The following PLA2G4A variants were observed in gnomAD, a reference collection of about 807,000 sequenced individuals.
PLA2G4A encodes cytosolic phospholipase A2.
PLA2G4A carries 40 observed loss-of-function variants against 81.9 expected under a neutral mutation model. The ratio of observed to expected loss-of-function variants is 0.49; its 90% CI spans 0.38 to 0.64. The LOEUF (loss-of-function observed/expected upper bound fraction) is 0.64, where lower values mean the gene tolerates loss of function less well. Among genes scored for constraint, PLA2G4A ranks in the 30% least tolerant of loss-of-function variants. PLA2G4A has a pLI of 0.00. For missense variants in PLA2G4A, 715 were observed against 905.1 expected (o/e 0.79, Z 2.69); for synonymous variants, 302 against 296.9 (o/e 1.02, Z -0.18).
chr1:186,910,050 A>T (rs1043209530), intron 6 of PLA2G4A, among the ~76,000 whole-genome samples: 1 of 152,170 alleles, frequency 6.6e-6, no homozygotes, highest in African/African-American at 2.4e-5. Flanking sequence ...TAATAACAGT[A>T]TCATTTAAAT....
chr1:186,959,432 A>G (rs1656871070), intron 14 of PLA2G4A, among the ~76,000 whole-genome samples: 1 of 152,184 alleles, frequency 6.6e-6, no homozygotes, highest in Non-Finnish European at 1.5e-5. Context: ...TTTTAAATTA[A>G]TGACGTTTGG....
rs147141302 is a variant in PLA2G4A, at chr1:186,860,722, C to T, written c.33+6335C>T. 1.5e-3 allele frequency among the ~76,000 whole-genome samples: 236 copies of T among 152,292 alleles called. 2 individuals are homozygous for T. Among genetic ancestry groups the T allele is most frequent in the African/African-American group, 5.5e-3 (230 of 41,566 alleles). On this transcript the variant is annotated intron_variant, in intron 2 of 17. Coordinates refer to ENST00000367466, the MANE Select transcript of PLA2G4A (RefSeq NM_024420.3). Reference sequence around the variant, plus strand: ...TCAGCCATGCCCTGCCACAAGCCTCCCTTAGGAGGCAAAAGTGCACTAATT... The same window carrying T: ...TCAGCCATGCCCTGCCACAAGCCTCTCTTAGGAGGCAAAAGTGCACTAATT...
chr1:186,898,497 G>A (rs1386298647), intron 5 of PLA2G4A, among the ~76,000 whole-genome samples: 3 of 152,092 alleles, frequency 2.0e-5, no homozygotes, highest in Non-Finnish European at 4.4e-5. Context: ...AAAGTAAACA[G>A]GCAATGATGA....
intron 2 of PLA2G4A, among the ~76,000 whole-genome samples, chr1:186,856,975 A>T (rs1319493569): frequency 6.8e-6 from 1 of 147,182 alleles, no homozygotes; most frequent in African/African-American, 2.5e-5. Flanking sequence ...AAAAAATATG[A>T]TTATTTTGAA....
chr1:186,946,641 G>C lies in PLA2G4A; in HGVS notation c.1038G>C (p.Trp346Cys). The C allele has an allele frequency of 6.2e-7, 1 of 1,609,028 alleles. No individual in the cohort carries two copies. Among genetic ancestry groups the C allele is most frequent in the Non-Finnish European group, 8.5e-7 (1 of 1,175,824 alleles). ...PDVSELMFADWVEFSPYEIGM... is the reference protein window; with the variant it reads ...PDVSELMFADCVEFSPYEIGM... Reference sequence around the variant, plus strand: ...TTGTTTTTAAAATACTTTCAGATTGGGTTGAATTTAGTCCATACGAAATTG... The same window carrying C: ...TTGTTTTTAAAATACTTTCAGATTGCGTTGAATTTAGTCCATACGAAATTG... The change falls in exon 11 of 18, where the codon TGG becomes TGC. Residue 346 changes from tryptophan to cysteine, a missense_variant. Physicochemically the swap from Trp to Cys is radical, Grantham distance 215. Transcript: ENST00000367466.
At chr1:186,983,063 G>A (rs76600042) in intron 17 of PLA2G4A, among the ~76,000 whole-genome samples, 10,172 of 143,700 alleles carry the variant, frequency 0.071, 434 homozygotes, top group East Asian at 0.16. Context: ...CAGCCTGGGT[G>A]ACAGAGCAAG....
intron 13 of PLA2G4A, among the ~76,000 whole-genome samples, chr1:186,952,608 T>G (rs1656598793): frequency 6.6e-6 from 1 of 152,176 alleles, no homozygotes; most frequent in Admixed American, 6.5e-5. Flanking sequence ...TCACTGTTAG[T>G]GTATATTCTA....
chr1:186,830,819 A>G (rs1012351220), intron 1 of PLA2G4A, among the ~76,000 whole-genome samples: 1 of 151,996 alleles, frequency 6.6e-6, no homozygotes, highest in Non-Finnish European at 1.5e-5. Context: ...TCATCTACAT[A>G]TTAAAATTAT....
At chr1:186,947,044 C>T in intron 12 of PLA2G4A, 83 bp downstream of exon 12, 1 of 789,768 alleles carries the variant, frequency 1.3e-6, no homozygotes, top group Non-Finnish European at 2.2e-6. Context: ...AATATTAAAT[C>T]TTTGTAAATA....
intron 5 of PLA2G4A, among the ~76,000 whole-genome samples, chr1:186,903,599 A>G (rs1654625521): frequency 6.6e-6 from 1 of 152,054 alleles, no homozygotes; most frequent in South Asian, 2.1e-4. Context: ...TTACATTCTC[A>G]CAGGAGCATG....
At chr1:186,883,793 T>C (rs190429852) in intron 3 of PLA2G4A, among the ~76,000 whole-genome samples, 3 of 152,246 alleles carry the variant, frequency 2.0e-5, no homozygotes, top group East Asian at 3.9e-4. Flanking sequence ...CTCACTGAAT[T>C]TGGCATTGAA....
intron 3 of PLA2G4A, among the ~76,000 whole-genome samples, chr1:186,881,116 G>A (rs12567046): frequency 0.017 from 2,604 of 152,078 alleles, 70 homozygotes; most frequent in East Asian, 0.056. Flanking sequence ...CTATTGTGCT[G>A]TCTTGCTGAC....
At chr1:186,910,974 T>C (rs940937947) in intron 6 of PLA2G4A, among the ~76,000 whole-genome samples, 1 of 152,220 alleles carries the variant, frequency 6.6e-6, no homozygotes, top group Non-Finnish European at 1.5e-5. Flanking sequence ...AAGTCTTTGT[T>C]ATAATATTCA....
intron 1 of PLA2G4A, among the ~76,000 whole-genome samples, chr1:186,835,405 T>G (rs966090369): frequency 2.0e-5 from 3 of 152,206 alleles, no homozygotes; most frequent in Non-Finnish European, 2.9e-5. Context: ...TGCAATATTA[T>G]GAAAGTATTG....
chr1:186,948,441 A>G (rs1208309745), intron 12 of PLA2G4A, among the ~76,000 whole-genome samples: 2 of 152,034 alleles, frequency 1.3e-5, no homozygotes, highest in Non-Finnish European at 2.9e-5. Context: ...TGAACATTAT[A>G]TCCCAGATGA....
chr1:186,965,860 TGAG>T (rs1657109711), intron 15 of PLA2G4A, among the ~76,000 whole-genome samples: 1 of 152,026 alleles, frequency 6.6e-6, no homozygotes, highest in Admixed American at 6.6e-5. Flanking sequence ...GAAATGAGGC[TGAG>T]ATTTGGGAGT....
chr1:186,934,462 A>ATATATATATATG (rs1266690322), intron 8 of PLA2G4A, among the ~76,000 whole-genome samples: 1 of 112,710 alleles, frequency 8.9e-6, no homozygotes, highest in East Asian at 2.9e-4. Flanking sequence ...ATATATATAT[A>ATATATATATATG]TACATACACA....
intron 1 of PLA2G4A, among the ~76,000 whole-genome samples, chr1:186,841,965 G>C (rs936431514): frequency 6.6e-6 from 1 of 151,980 alleles, no homozygotes; most frequent in Non-Finnish European, 1.5e-5. Context: ...AATCAGATGA[G>C]GGTAGCTGCT....
At position 186,893,096 on chromosome 1, in the gene PLA2G4A, A is replaced by G; in HGVS notation, c.201A>G (p.Ile67Met). 1 of 1,611,322 alleles carries G rather than the reference A, an allele frequency of 6.2e-7. No individual in the cohort carries two copies. Among genetic ancestry groups the G allele is most frequent in the South Asian group, 1.1e-5 (1 of 91,034 alleles). The part of the protein sequence containing the change: ...RKRTRHFNND[I>M]NPVWNETFEF... ...GAACAAGACATTTCAATAATGACAT[A>G]AACCCTGTGTGGAATGAGACCTTTG... Residue 67 changes from isoleucine (I) to methionine (M), a missense_variant, in exon 4 of 18, where the codon ATA becomes ATG. Physicochemically the swap from Ile to Met is conservative, Grantham distance 10. Coordinates refer to ENST00000367466, the MANE Select transcript of PLA2G4A (RefSeq NM_024420.3).
Sources: gnomAD v4.1 joint callset for allele counts (sites outside exome capture counted in the v4.1 genomes callset) on GRCh38, gnomAD v4.1.1 for gene constraint, MANE v1.5 for transcripts, NCBI Gene and HGNC (gene_info 2026-07-23, HGNC 2026-07-21) for gene names.